ARL17B: variants seen among roughly 807,000 people sequenced by gnomAD.
ARL17B encodes ARF like GTPase 17B.
intron 4 of ARL17B, among the ~76,000 whole-genome samples, chr17:46,289,587 A>G (rs1234042674): frequency 6.6e-6 from 1 of 152,146 alleles, no homozygotes; most frequent in African/African-American, 2.4e-5. Context: ...TGGTCTGCCC[A>G]CCTTGGCCTC....
intron 4 of ARL17B, among the ~76,000 whole-genome samples, chr17:46,287,822 T>C (rs1567855784): frequency 6.6e-6 from 1 of 152,232 alleles, no homozygotes; most frequent in East Asian, 1.9e-4. Context: ...GGCGGAGCTG[T>C]GTAAGTGTGT....
intron 4 of ARL17B, among the ~76,000 whole-genome samples, chr17:46,288,371 T>C (rs1392885883): frequency 1.3e-5 from 2 of 148,434 alleles, no homozygotes; most frequent in Non-Finnish European, 3.0e-5. Context: ...TACAGTGGCA[T>C]GATCTCGGCT....
Position 46,350,575 on chromosome 17 carries a change from A to G in ARL17B, c.259+2245T>C, listed in dbSNP as rs893225590. On this transcript the variant is annotated intron_variant, in intron 3 of 3. Transcript: ENST00000450673. ...AATAAGCAGTTAAAAAAAAAAAAAA[A>G]GGGGGGGGGAGGCCAGGCGAGGTGG... 9.7e-3 allele frequency among the ~76,000 whole-genome samples: 786 copies of G among 81,234 alleles called. 3 individuals carry two copies. Among genetic ancestry groups the G allele is most frequent in the Admixed American group, 0.025 (199 of 7,870 alleles). 53.3% of individuals were successfully genotyped at this position (81,234 alleles called of 152,430 possible).
At chr17:46,278,747 A>T (rs533436799) in intron 4 of ARL17B, among the ~76,000 whole-genome samples, 1 of 152,150 alleles carries the variant, frequency 6.6e-6, no homozygotes, top group African/African-American at 2.4e-5. Context: ...ATATCATTCC[A>T]TGCTTTGTCT....
At chr17:46,290,781 G>A (rs1208010901) in intron 4 of ARL17B, among the ~76,000 whole-genome samples, 9 of 152,190 alleles carry the variant, frequency 5.9e-5, no homozygotes, top group Non-Finnish European at 1.2e-4. Flanking sequence ...CTAAAGCAGA[G>A]ACTTCATATA....
intron 3 of ARL17B, among the ~76,000 whole-genome samples, chr17:46,324,153 C>T (rs1431214709): frequency 0.012 from 1,327 of 113,318 alleles, no homozygotes; most frequent in African/African-American, 0.044. Context: ...TGCCTGTAAT[C>T]CCAGCTACTC....
rs999046711 is a variant in ARL17B, at chr17:46,322,551, A to C, written c.260-22886T>G. ...ATTGGCGAAGAAAAAAATTAAGAGG[A>C]TGTATAATGGTCAAGACAGCCAGCA... On this transcript the variant is annotated intron_variant, in intron 3 of 4. Transcript: ENST00000434041. Among the ~76,000 whole-genome samples the C allele has an allele frequency of 4.3e-4, 43 of 99,480 alleles. 2 individuals carry two copies. Among genetic ancestry groups the C allele is most frequent in the African/African-American group, 1.4e-3 (43 of 29,896 alleles). 65.3% of individuals were successfully genotyped at this position (99,480 alleles called of 152,430 possible).
chr17:46,284,832 A>G (rs1395612437), intron 4 of ARL17B, among the ~76,000 whole-genome samples: 1 of 152,250 alleles, frequency 6.6e-6, no homozygotes, highest in East Asian at 1.9e-4. Flanking sequence ...TATGATAAAA[A>G]TAGAAGAAAG....
At chr17:46,326,723 A>G (rs548495255) in intron 3 of ARL17B, among the ~76,000 whole-genome samples, 1 of 19,596 alleles carries the variant, frequency 5.1e-5, no homozygotes, top group East Asian at 5.8e-4. Context: ...GCCAAGGAAC[A>G]GAGATTAAAC....
At position 46,291,207 on chromosome 17, in the gene ARL17B, C is replaced by T. The variant is rs187963894; in HGVS notation, c.*21+8319G>A. Among the ~76,000 whole-genome samples, 870 of 152,302 alleles carry T rather than the reference C, an allele frequency of 5.7e-3. 13 individuals are homozygous for T. The highest frequency in any genetic ancestry group is 0.02 in the African/African-American group (827 of 41,540). ...CATATATTTTTATAACATCGTGGGA[C>T]GGATTTTGGGAGAACCAAGATGGTA... On this transcript the variant is annotated intron_variant, in intron 4 of 4. Coordinates refer to the ARL17B transcript ENST00000570618.
downstream of ARL17B, chr17:46,330,881 G>T (rs778412898): frequency 1.4e-6 from 1 of 723,664 alleles, no homozygotes; most frequent in South Asian, 2.8e-5. Flanking sequence ...GAACGCTGCC[G>T]AAGAAAAAAG....
intron 4 of ARL17B, among the ~76,000 whole-genome samples, chr17:46,281,922 G>C (rs188156546): frequency 0.11 from 16,518 of 151,672 alleles, 861 homozygotes; most frequent in East Asian, 0.27. Flanking sequence ...GGGATTACAG[G>C]CATGAGCCAT....
In ARL17B at chr17:46,293,570, T is replaced by A. The variant is rs1169225605; in HGVS notation, c.*21+5956A>T. The A allele has an allele frequency of 1.1e-5, 4 of 363,574 alleles. No homozygotes were observed. In the East Asian group the frequency reaches 6.0e-4, roughly 54 times the overall value. 22.5% of individuals were successfully genotyped at this position (363,574 alleles called of 1,614,324 possible). A position where few individuals can be genotyped will look rare whatever the true frequency, so the allele number is the denominator to read the frequency against. On this transcript the variant is annotated intron_variant, in intron 4 of 4. Transcript: ENST00000570618. The stretch of plus-strand genomic sequence containing the variant: ...AATAGAGATTGTTTCTAAATTAATC[T>A]CAAAACAGTCATTATTTACTATTTA...
At chr17:46,281,158 G>A (rs949963595) in intron 4 of ARL17B, among the ~76,000 whole-genome samples, 1 of 152,168 alleles carries the variant, frequency 6.6e-6, no homozygotes, top group Non-Finnish European at 1.5e-5. Context: ...TTATAGTGAT[G>A]TATGTAGGAG....
downstream of ARL17B, chr17:46,330,985 G>C (rs759114190): frequency 2.0e-3 from 1,416 of 721,806 alleles, 346 homozygotes; most frequent in African/African-American, 9.9e-3. Flanking sequence ...CCAAGCCTTC[G>C]TTCACCCAAG....
rs944572589 is a variant in ARL17B at position 46,338,912 on chromosome 17, CA to C, written c.*587del. On this transcript the variant is annotated 3_prime_UTR_variant, in exon 4 of 4. Coordinates refer to ENST00000450673, the MANE Select transcript of ARL17B (RefSeq NM_001039083.5). The stretch of plus-strand genomic sequence containing the variant: ...AAAAACAGCGAGATCATGTCTTTTG[CA>C]GGAACACAGATGGAGCTAGAGGCCA... 1.5e-4 allele frequency among the ~76,000 whole-genome samples: 7 copies of C among 45,908 alleles called. No homozygotes were observed. The highest frequency in any genetic ancestry group is 1.3e-3 in the East Asian group (4 of 3,082). 30.1% of individuals were successfully genotyped at this position (45,908 alleles called of 152,430 possible).
At chr17:46,317,153 G>A (rs1218051412) in intron 3 of ARL17B, among the ~76,000 whole-genome samples, 17 of 88,998 alleles carry the variant, frequency 1.9e-4, no homozygotes, top group Admixed American at 2.3e-4. Context: ...GGTGGCGGCC[G>A]GGCAGAGGCG....
At chr17:46,283,662 G>A (rs1315966622) in intron 4 of ARL17B, among the ~76,000 whole-genome samples, 3 of 152,178 alleles carry the variant, frequency 2.0e-5, no homozygotes, top group Non-Finnish European at 4.4e-5. Context: ...CTCGTTAAGT[G>A]GAACGAGAGA....
intron 4 of ARL17B, among the ~76,000 whole-genome samples, chr17:46,278,013 T>C (rs1453465337): frequency 1.3e-5 from 2 of 152,092 alleles, no homozygotes; most frequent in Non-Finnish European, 2.9e-5. Flanking sequence ...TGGTGTGGTC[T>C]CCACTCACTG....
Sources: allele counts gnomAD v4.1 joint callset (sites outside exome capture counted in the v4.1 genomes callset), GRCh38; gene constraint gnomAD v4.1.1; transcripts MANE v1.5; gene names NCBI Gene and HGNC (gene_info 2026-07-23, HGNC 2026-07-21).